The following TUT4 variants were observed in gnomAD, a reference collection of about 807,000 sequenced individuals.
TUT4 encodes terminal uridylyl transferase 4.
A neutral mutation model predicts 192.2 loss-of-function variants in TUT4; 36 were observed. The ratio of observed to expected loss-of-function variants is 0.19; its 90% confidence interval spans 0.14 to 0.25. The LOEUF is 0.25. Among genes scored for constraint, TUT4 ranks in the 10% least tolerant of loss-of-function variants. TUT4 has a pLI of 1.00. For synonymous variants in TUT4, 618 were observed against 666.0 expected (o/e 0.93, Z 1.11); for missense variants, 1,493 against 1,957.2 (o/e 0.76, Z 4.47).
chr1:52,443,162 A>T (rs112682202), intron 24 of TUT4, among the ~76,000 whole-genome samples: 11,398 of 152,112 alleles, frequency 0.075, 567 homozygotes, highest in Non-Finnish European at 0.11. Context: ...ACATGCCTGT[A>T]ATCCCAGCTA....
At chr1:52,498,038 T>C (rs1235876491) in intron 4 of TUT4, among the ~76,000 whole-genome samples, 1 of 152,172 alleles carries the variant, frequency 6.6e-6, no homozygotes, top group Non-Finnish European at 1.5e-5. Context: ...CAATCAAATA[T>C]ACTTAAAGAC....
chr1:52,508,960 C>G lies in TUT4; in HGVS notation c.999+636G>C, dbSNP rs560517629. Among the ~76,000 whole-genome samples, 4 of 152,246 alleles carry G rather than the reference C, an allele frequency of 2.6e-5. No individual in the cohort carries two copies. In the South Asian group the frequency reaches 8.3e-4, roughly 32 times the overall value. ...CCAGCTTCACATCACATCATTTTCC[C>G]CCAGCTCTCTTTGTTCCAATCATAC... is the stretch of plus-strand genomic sequence containing the variant. On this transcript the variant is annotated intron_variant, in intron 4 of 29. Transcript: ENST00000257177.
chr1:52,470,703 T>C (rs956041880), intron 14 of TUT4, among the ~76,000 whole-genome samples: 2 of 152,046 alleles, frequency 1.3e-5, no homozygotes, highest in Non-Finnish European at 2.9e-5. Context: ...AAATGCAAAC[T>C]ATCTATAGTG....
chr1:52,485,065 G>C (rs1669451458), intron 9 of TUT4, among the ~76,000 whole-genome samples: 4 of 152,208 alleles, frequency 2.6e-5, no homozygotes, highest in Admixed American at 2.6e-4. Flanking sequence ...TGTCCTGTTA[G>C]ATGTTCCCAG....
intron 1 of TUT4, among the ~76,000 whole-genome samples, chr1:52,543,482 AT>A (rs60108324): frequency 0.14 from 18,798 of 134,868 alleles, 2,695 homozygotes; most frequent in African/African-American, 0.42. Flanking sequence ...AAAAGACTTA[AT>A]TTTTTTTTTT....
chr1:52,528,002 C>T (rs1308594510), intron 1 of TUT4, among the ~76,000 whole-genome samples: 1 of 151,678 alleles, frequency 6.6e-6, no homozygotes, highest in Non-Finnish European at 1.5e-5. Flanking sequence ...CATGGTGAAA[C>T]CCCGTCTCTA....
rs1169152836 is a variant in TUT4, at chr1:52,423,994, CACATCTGTCTGTT to C, written c.4871-5_4878del. The C allele has an allele frequency of 4.3e-6, 7 of 1,611,128 alleles. No individual in the cohort carries two copies. On this transcript the variant is annotated splice_acceptor_variant and splice_polypyrimidine_tract_variant and coding_sequence_variant and intron_variant, in exon 30 of 30. Transcript: ENST00000257177. LOFTEE classifies it high-confidence loss of function. ...CAACGCTCTCTACACCGACGGGTGGCACATCTGTCTGTTGGATACAACACAGACAGGAAACTGA... is the reference window on the plus strand; with the variant it reads ...CAACGCTCTCTACACCGACGGGTGGCGGATACAACACAGACAGGAAACTGA...
chr1:52,550,813 T>TA (rs139779971), intron 1 of TUT4, among the ~76,000 whole-genome samples: 4,296 of 152,286 alleles, frequency 0.028, 146 homozygotes, highest in African/African-American at 0.08. Flanking sequence ...AGGTAAGTGT[T>TA]GGTTATTTTG....
intron 1 of TUT4, among the ~76,000 whole-genome samples, chr1:52,530,934 G>A (rs1683217179): frequency 6.6e-6 from 1 of 151,986 alleles, no homozygotes; most frequent in African/African-American, 2.4e-5. Context: ...GCCCAGGAGG[G>A]AGAGGTTGCA....
chr1:52,534,497 A>G (rs532803082), intron 1 of TUT4, among the ~76,000 whole-genome samples: 1 of 152,312 alleles, frequency 6.6e-6, no homozygotes, highest in East Asian at 1.9e-4. Flanking sequence ...AGTAAATTTT[A>G]TAAAACTGCA....
At chr1:52,468,375 A>G in intron 14 of TUT4, 108 bp from the exon 15 acceptor site, 2 of 772,610 alleles carry the variant, frequency 2.6e-6, no homozygotes, top group Non-Finnish European at 2.0e-6. Context: ...TTTGTTCATT[A>G]TTTGTTGACT....
chr1:52,539,080 C>T (rs998302127), intron 1 of TUT4, among the ~76,000 whole-genome samples: 4 of 151,648 alleles, frequency 2.6e-5, no homozygotes, highest in East Asian at 3.9e-4. Context: ...GTAATCATGC[C>T]GATGAAGGGA....
At chr1:52,467,248 A>G (rs1469071862) in intron 15 of TUT4, among the ~76,000 whole-genome samples, 1 of 152,354 alleles carries the variant, frequency 6.6e-6, no homozygotes. Flanking sequence ...TTGTAAAAGT[A>G]CAAATTCATT....
At chr1:52,459,830 C>T (rs1215433115) in intron 19 of TUT4, among the ~76,000 whole-genome samples, 1 of 151,280 alleles carries the variant, frequency 6.6e-6, no homozygotes, top group Non-Finnish European at 1.5e-5. Flanking sequence ...TGCAGTGAGC[C>T]GAGATTGTGC....
At position 52,479,997 on chromosome 1, in the gene TUT4, GAAAAAAAAAA is replaced by G. The variant is rs375149209; in HGVS notation, c.1848+1416_1848+1425del. Among the ~76,000 whole-genome samples, 126 of 67,206 alleles carry G rather than the reference GAAAAAAAAAA, an allele frequency of 1.9e-3. 1 individual carries two copies. In the South Asian group the frequency reaches 0.057, roughly 31 times the overall value. 44.1% of individuals were successfully genotyped at this position (67,206 alleles called of 152,430 possible). ...GCGACAGAGCGAGACTCCGTCTCAG[GAAAAAAAAAA>G]AAAAAAAAAAAAGACTATTAGATAT... On this transcript the variant is annotated intron_variant, in intron 11 of 29. Coordinates refer to ENST00000257177, the MANE Select transcript of TUT4 (RefSeq NM_001009881.3).
At chr1:52,429,720 G>A (rs1393137601) in intron 28 of TUT4, among the ~76,000 whole-genome samples, 1 of 151,622 alleles carries the variant, frequency 6.6e-6, no homozygotes. Flanking sequence ...AGCCTCCTGA[G>A]TAGCTGGGAT....
chr1:52,545,966 C>CAAAAAAAAAAAAA (rs71041901), intron 1 of TUT4, among the ~76,000 whole-genome samples: 1 of 72,368 alleles, frequency 1.4e-5, no homozygotes. Context: ...TACAAAAATA[C>CAAAAAAAAAAAAA]AAAAAAAAAA....
At chr1:52,551,443 T>C (rs778627714) in intron 1 of TUT4, among the ~76,000 whole-genome samples, 28 of 152,212 alleles carry the variant, frequency 1.8e-4, no homozygotes, top group Non-Finnish European at 2.8e-4. Context: ...ATAAATATTT[T>C]TAAAGCATAA....
At chr1:52,480,187 A>G (rs1439004473) in intron 11 of TUT4, among the ~76,000 whole-genome samples, 1 of 152,124 alleles carries the variant, frequency 6.6e-6, no homozygotes, top group Non-Finnish European at 1.5e-5. Flanking sequence ...TACATACACA[A>G]GAAAAAAGGG....
Sources: gnomAD v4.1 joint callset for allele counts (sites outside exome capture counted in the v4.1 genomes callset) on GRCh38, gnomAD v4.1.1 for gene constraint, MANE v1.5 for transcripts, NCBI Gene and HGNC (gene_info 2026-07-23, HGNC 2026-07-21) for gene names.